Variants in GLS observed in about 807,000 individuals in gnomAD.
GLS encodes glutaminase.
GLS carries 36 observed loss-of-function variants against 86.7 expected under a neutral mutation model. The ratio of observed to expected loss-of-function variants is 0.42; its 90% CI spans 0.32 to 0.55. GLS has a LOEUF of 0.55. GLS is among the 20% of genes least tolerant of loss of function. The probability of loss-of-function intolerance (pLI) is 0.17; values close to 1 mark genes in which losing one functional copy is unlikely to be tolerated. For missense variants in GLS, 528 were observed against 833.4 expected, an observed-to-expected ratio of 0.63 and a Z score of 4.51; for synonymous variants, 317 against 305.9, an observed-to-expected ratio of 1.04 and a Z score of -0.38.
At chr2:190,932,908 A>G in intron 14 of GLS, 1 of 1,408,954 alleles carries the variant, frequency 7.1e-7, no homozygotes, top group South Asian at 1.8e-5. Flanking sequence ...TAATCTTTCA[A>G]ACATCTTTAG....
intron 14 of GLS, among the ~76,000 whole-genome samples, chr2:190,952,786 G>C (rs1574620942): frequency 6.6e-6 from 1 of 152,200 alleles, no homozygotes; most frequent in African/African-American, 2.4e-5. Flanking sequence ...ATGGTCAATA[G>C]TTTAATTTCT....
At chr2:190,919,024 T>C (rs1689641472) in intron 7 of GLS, among the ~76,000 whole-genome samples, 2 of 151,768 alleles carry the variant, frequency 1.3e-5, no homozygotes, top group South Asian at 4.2e-4. Flanking sequence ...CTAATAATTA[T>C]CAAAATGTGA....
Position 190,895,278 on chromosome 2 carries a change from T to A in GLS, c.483+30T>A. 1.1e-6 allele frequency: 1 copy of A among 871,668 alleles called. No individual in the cohort carries two copies. The highest frequency in any genetic ancestry group is 1.9e-6 in the Non-Finnish European group (1 of 530,638). The allele number at this position is 871,668 out of a possible 1,614,324, so 54.0% of individuals were successfully genotyped here. On this transcript the variant is annotated intron_variant, in intron 2 of 17. Transcript: ENST00000320717. The surrounding 1 kb of genome is among the most constrained non-coding windows in gnomAD (Gnocchi z 4.2). ...GTTTTTATATTTTTCTATCTTAACT[T>A]AAAAAAATCAATAATAATAAATATA...
At position 190,881,230 on chromosome 2, in the gene GLS, C is replaced by T; in HGVS notation, c.146C>T (p.Ala49Val). Residue 49 changes from alanine to valine, a missense_variant, in exon 1 of 18, where the codon GCT (alanine) becomes GTT (valine). Around this residue, in one of 4 missense-constraint regions of GLS, gnomAD observed 224 missense variants for 187.9 expected, o/e 1.19. Transcript: ENST00000320717. Reference protein sequence around the residue: ...RGGGRPAAGPAAAARLHPWWG... With the variant: ...RGGGRPAAGPVAAARLHPWWG... ...GGGGGACGGCCGGCCGCGGGCCCGG[C>T]TGCCGCCGCGCGACTCCACCCGTGG... 1 of 1,247,348 alleles carries T rather than the reference C, an allele frequency of 8.0e-7. No homozygotes were observed. Among genetic ancestry groups the T allele is most frequent in the Non-Finnish European group, 1.0e-6 (1 of 999,072 alleles). The allele number at this position is 1,247,348 out of a possible 1,614,324, so 77.3% of individuals were successfully genotyped here.
chr2:190,922,128 C>T (rs1689756452), intron 9 of GLS, among the ~76,000 whole-genome samples: 4 of 152,060 alleles, frequency 2.6e-5, no homozygotes. Flanking sequence ...TGTGTTGTAA[C>T]TTCTCAGTTC....
At chr2:190,946,022 C>G (rs532928010) in intron 14 of GLS, among the ~76,000 whole-genome samples, 1 of 152,200 alleles carries the variant, frequency 6.6e-6, no homozygotes, top group South Asian at 2.1e-4. Context: ...CTCAGTAAAT[C>G]TTTGGAAAGC....
chr2:190,880,852 C>T lies in GLS; in HGVS notation c.-233C>T, dbSNP rs928604010. 7 of 811,558 alleles carry T rather than the reference C, an allele frequency of 8.6e-6. No individual in the cohort carries two copies. Among genetic ancestry groups the T allele is most frequent in the African/African-American group, 5.2e-5 (3 of 57,656 alleles). The allele number at this position is 811,558 out of a possible 1,614,324, so 50.3% of individuals were successfully genotyped here. ...GAGCCTTAGGCGGAGCGAAGAGAAC[C>T]GGTCGCGGCAATCCTAGCGCGCAGC... is the stretch of plus-strand genomic sequence containing the variant. On this transcript the variant is annotated 5_prime_UTR_variant, in exon 1 of 18. Coordinates refer to ENST00000320717, the MANE Select transcript of GLS (RefSeq NM_014905.5).
At chr2:190,957,804 T>C (rs556859309) in intron 17 of GLS, among the ~76,000 whole-genome samples, 4 of 152,332 alleles carry the variant, frequency 2.6e-5, no homozygotes, top group Admixed American at 2.6e-4. Context: ...CTGGATTCAG[T>C]TTGCCAGTAG....
Position 190,901,986 on chromosome 2 carries a change from G to C in GLS, c.775G>C (p.Asp259His), listed in dbSNP as rs751006438. 3 of 1,612,046 alleles carry C rather than the reference G, an allele frequency of 1.9e-6. No individual in the cohort carries two copies. The highest frequency in any genetic ancestry group is 2.5e-6 in the Non-Finnish European group (3 of 1,178,296). The change falls in exon 5 of 18, where the codon GAT becomes CAT. Residue 259 changes from aspartate to histidine, a missense_variant. Physicochemically the swap from Asp to His is moderately conservative, Grantham distance 81. This residue lies in a region of GLS where 111 missense variants were observed against 179.5 expected (regional missense o/e 0.62). Transcript: ENST00000320717. ...TCCTCAACTGGCCAAATTCAGTCCC[G>C]ATTTGTGGGGTGTGTCTGTTTGTAC... is the stretch of plus-strand genomic sequence containing the variant. ...YIPQLAKFSPDLWGVSVCTVD... is the reference protein window; with the variant it reads ...YIPQLAKFSPHLWGVSVCTVD...
intron 3 of GLS, among the ~76,000 whole-genome samples, chr2:190,900,206 G>A (rs1688892659): frequency 6.6e-6 from 1 of 152,090 alleles, no homozygotes; most frequent in South Asian, 2.1e-4. Flanking sequence ...TCTCAACCTT[G>A]GCAGTCTGAA....
Position 190,897,455 on chromosome 2 carries a change from T to G in GLS, c.605+1730T>G, listed in dbSNP as rs1688784279. 6.6e-6 allele frequency among the ~76,000 whole-genome samples: 1 copy of G among 152,232 alleles called. No homozygotes were observed. The highest frequency in any genetic ancestry group is 2.4e-5 in the African/African-American group (1 of 41,470). On this transcript the variant is annotated intron_variant, in intron 3 of 17. Coordinates refer to ENST00000320717, the MANE Select transcript of GLS (RefSeq NM_014905.5). This position sits in a 1 kb window ranked among gnomAD's most constrained non-coding sequence, Gnocchi z 4.3. ...AGATAGTAATTATTGTTTTAAACAC[T>G]AATCCAATTTTTAAAAATCTATGCT... is the stretch of plus-strand genomic sequence containing the variant.
rs932884532 is a variant in GLS, at chr2:190,955,895, A to G, written c.1853+1077A>G. Among the ~76,000 whole-genome samples the G allele has an allele frequency of 6.6e-6, 1 of 152,080 alleles. No homozygotes were observed. Among genetic ancestry groups the G allele is most frequent in the Non-Finnish European group, 1.5e-5 (1 of 68,014 alleles). On this transcript the variant is annotated intron_variant, in intron 17 of 17. Transcript: ENST00000320717. The surrounding 1 kb of genome is among the most constrained non-coding windows in gnomAD (Gnocchi z 5.6). Reference sequence around the variant, plus strand: ...GACCAGTGATGATGATATTTTTTTCACATGTTTGTTGGCTGCATAAATGTC... The same window carrying G: ...GACCAGTGATGATGATATTTTTTTCGCATGTTTGTTGGCTGCATAAATGTC...
chr2:190,912,843 A>G (rs960876144), intron 7 of GLS, among the ~76,000 whole-genome samples: 9 of 152,188 alleles, frequency 5.9e-5, no homozygotes, highest in South Asian at 4.1e-4. Flanking sequence ...AAACGATAAC[A>G]ATTTATTGGT....
At chr2:190,936,002 A>G (rs1326054069) in intron 14 of GLS, among the ~76,000 whole-genome samples, 2 of 151,200 alleles carry the variant, frequency 1.3e-5, no homozygotes, top group Non-Finnish European at 3.0e-5. Flanking sequence ...ATATTGTAGA[A>G]GTTTTAAAAC....
At chr2:190,902,705 A>G (rs1190325058) in intron 5 of GLS, among the ~76,000 whole-genome samples, 1 of 152,214 alleles carries the variant, frequency 6.6e-6, no homozygotes, top group Non-Finnish European at 1.5e-5. Context: ...GACCGTGTTC[A>G]TTGTGCTGGG....
chr2:190,915,296 G>A (rs1375866432), intron 7 of GLS, among the ~76,000 whole-genome samples: 3 of 151,638 alleles, frequency 2.0e-5, no homozygotes, highest in Non-Finnish European at 4.4e-5. Context: ...CACCGCGCCC[G>A]GCCTAAATTT....
chr2:190,935,089 G>T lies in GLS; in HGVS notation c.1650+3452G>T. The T allele has an allele frequency of 1.1e-6, 1 of 943,750 alleles. No individual in the cohort carries two copies. Among genetic ancestry groups the T allele is most frequent in the African/African-American group, 1.8e-5 (1 of 56,356 alleles). The allele number at this position is 943,750 out of a possible 1,614,324, so 58.5% of individuals were successfully genotyped here. On this transcript the variant is annotated intron_variant, in intron 14 of 17. Transcript: ENST00000320717. This position sits in a 1 kb window ranked among gnomAD's most constrained non-coding sequence, Gnocchi z 4.2. ...ATTTTCTTTTTTCTTTCTTTTTTTG[G>T]CATCATTAACATTTCATTTGAAATG... is the stretch of plus-strand genomic sequence containing the variant.
intron 1 of GLS, 168 bp downstream of exon 1, chr2:190,881,638 G>T: frequency 1.7e-6 from 1 of 603,514 alleles, no homozygotes; most frequent in Non-Finnish European, 2.7e-6. Context: ...GCCCGGCCCC[G>T]CCCGCGCCTT....
At chr2:190,934,938 T>C (rs1690227174) in intron 14 of GLS, 1 of 968,124 alleles carries the variant, frequency 1.0e-6, no homozygotes, top group Non-Finnish European at 1.2e-6. Context: ...TAAGGACATA[T>C]TTTGATTCTT....
Sources: allele counts gnomAD v4.1 joint callset (sites outside exome capture counted in the v4.1 genomes callset), GRCh38; gene constraint gnomAD v4.1.1; regional missense constraint gnomAD v4.1.1; non-coding constraint Gnocchi (gnomAD v3.1); transcripts MANE v1.5; gene names NCBI Gene and HGNC (gene_info 2026-07-23, HGNC 2026-07-21).